The following HYDIN variants were observed in gnomAD, a reference collection of about 807,000 sequenced individuals.
The protein encoded by HYDIN is HYDIN axonemal central pair apparatus protein.
A neutral mutation model predicts 403.9 loss-of-function variants in HYDIN; 132 were observed. That is an observed-to-expected ratio of 0.33 (90% CI 0.28 to 0.38). The LOEUF (loss-of-function observed/expected upper bound fraction) is 0.38. HYDIN is among the 10% of genes least tolerant of loss of function. The pLI is 1.00. For synonymous variants in HYDIN, 1,202 were observed against 1,891.7 expected (o/e 0.64, Z 9.46); for missense variants, 2,827 against 5,009.5 (o/e 0.56, Z 13.15).
chr16:70,905,244 G>C (rs1364956388), intron 50 of HYDIN, among the ~76,000 whole-genome samples: 1 of 151,460 alleles, frequency 6.6e-6, no homozygotes, highest in Non-Finnish European at 1.5e-5. Context: ...ACTTCCATCC[G>C]GCACTGTGCT....
intron 6 of HYDIN, among the ~76,000 whole-genome samples, chr16:71,158,262 C>T (rs903415552): frequency 1.3e-5 from 2 of 152,214 alleles, no homozygotes; most frequent in Non-Finnish European, 2.9e-5. Flanking sequence ...GCTTTACTCC[C>T]TTCACAGTAA....
intron 42 of HYDIN, 152 bp downstream of exon 42, chr16:70,943,660 T>A (rs2077750304): frequency 2.7e-6 from 3 of 1,099,562 alleles, no homozygotes; most frequent in Non-Finnish European, 3.7e-6. Flanking sequence ...GGGTCAGGGG[T>A]CGACAAGAGC....
chr16:71,174,091 C>T (rs904885069), intron 5 of HYDIN, among the ~76,000 whole-genome samples: 16 of 152,144 alleles, frequency 1.1e-4, no homozygotes, highest in African/African-American at 3.9e-4. Context: ...ACAAAAAGCC[C>T]TACATCTGCA....
chr16:70,843,043 ATTCT>A (rs2037939855), intron 75 of HYDIN, among the ~76,000 whole-genome samples: 1 of 150,570 alleles, frequency 6.6e-6, no homozygotes, highest in African/African-American at 2.4e-5. Flanking sequence ...TTATTTATTT[ATTCT>A]TTTTTTTATT....
chr16:70,949,892 G>A, intron 41 of HYDIN, among the ~76,000 whole-genome samples: 1 of 152,282 alleles, frequency 6.6e-6, no homozygotes. Context: ...TGTCCAGATG[G>A]ACAGAACAAA....
chr16:70,892,522 C>T lies in HYDIN; in HGVS notation c.9256G>A (p.Val3086Met), dbSNP rs755355385. The part of the protein sequence containing the change: ...GKYEIAFSFS[V>M]DSVGISTPNI... ...GGTGTTGAAATCCCTACAGAGTCCACGGAAAAGCTGAAAGACAAGAATAAG... is the reference window on the plus strand; with the variant it reads ...GGTGTTGAAATCCCTACAGAGTCCATGGAAAAGCTGAAAGACAAGAATAAG... The change falls in exon 56 of 86, where the codon GTG (valine) becomes ATG (methionine). Residue 3086 changes from valine (V) to methionine (M), a missense_variant. Transcript: ENST00000393567. The T allele has an allele frequency of 9.4e-6, 15 of 1,601,600 alleles. No homozygotes were observed. The highest frequency in any genetic ancestry group is 2.2e-5 in the South Asian group (2 of 88,938).
chr16:71,020,850 TA>T, intron 21 of HYDIN, among the ~76,000 whole-genome samples: 1 of 144,756 alleles, frequency 6.9e-6, no homozygotes, highest in Non-Finnish European at 1.5e-5. Context: ...TATAGTGGAC[TA>T]CTGAAAAGTG....
chr16:71,150,946 G>A (rs3094859), intron 7 of HYDIN, among the ~76,000 whole-genome samples: 1 of 152,134 alleles, frequency 6.6e-6, no homozygotes, highest in Non-Finnish European at 1.5e-5. Flanking sequence ...TGAGAAGGCA[G>A]GCAACATCAT....
chr16:71,179,362 CAG>C (rs1276677940), intron 3 of HYDIN, among the ~76,000 whole-genome samples: 1 of 149,924 alleles, frequency 6.7e-6, no homozygotes, highest in Non-Finnish European at 1.5e-5. Flanking sequence ...CAAACCTCTG[CAG>C]GCATAGTATT....
At position 70,927,955 on chromosome 16, in the gene HYDIN, A is replaced by C. The variant is rs566925495; in HGVS notation, c.7159-6738T>G. Among the ~76,000 whole-genome samples the C allele has an allele frequency of 3.0e-4, 45 of 152,150 alleles. 1 individual carries two copies. Among genetic ancestry groups the C allele is most frequent in the South Asian group, 6.2e-4 (3 of 4,824 alleles). On this transcript the variant is annotated intron_variant, in intron 45 of 85. Transcript: ENST00000393567. ...TTGCCAAAGAACCTGTACCTAAAAA[A>C]AAAAAACAAAAAACAAAAAAAACAA...
At chr16:70,867,028 C>CAA (rs34578135) in intron 66 of HYDIN, among the ~76,000 whole-genome samples, 9 of 92,938 alleles carry the variant, frequency 9.7e-5, no homozygotes, top group African/African-American at 2.8e-4. Flanking sequence ...CTGTCCCCCT[C>CAA]AAAAAAAAAA....
At chr16:71,058,748 A>C (rs2081984961) in intron 18 of HYDIN, among the ~76,000 whole-genome samples, 1 of 152,168 alleles carries the variant, frequency 6.6e-6, no homozygotes, top group Non-Finnish European at 1.5e-5. Flanking sequence ...TATGAAATAC[A>C]GTTGACCCTT....
intron 1 of HYDIN, among the ~76,000 whole-genome samples, chr16:71,194,615 G>T (rs2087601963): frequency 6.6e-6 from 1 of 152,052 alleles, no homozygotes; most frequent in Non-Finnish European, 1.5e-5. Context: ...TTACCTATTG[G>T]CATCTAACAA....
chr16:71,089,141 T>G (rs987738247), intron 11 of HYDIN, among the ~76,000 whole-genome samples: 3 of 150,334 alleles, frequency 2.0e-5, no homozygotes, highest in African/African-American at 7.4e-5. Flanking sequence ...ATAGAAAAGT[T>G]GTACTCCTAT....
At chr16:70,898,869 G>A (rs1218775112) in intron 53 of HYDIN, among the ~76,000 whole-genome samples, 2 of 151,092 alleles carry the variant, frequency 1.3e-5, no homozygotes, top group South Asian at 2.1e-4. Context: ...TCAGCCTCCC[G>A]AGTAGCTGGG....
At chr16:71,148,358 T>C (rs1247072004) in intron 7 of HYDIN, among the ~76,000 whole-genome samples, 2 of 152,280 alleles carry the variant, frequency 1.3e-5, no homozygotes, top group South Asian at 2.1e-4. Flanking sequence ...TTACTTCCAA[T>C]GCACAGCATA....
chr16:70,990,247 T>C, intron 25 of HYDIN, among the ~76,000 whole-genome samples: 1 of 149,100 alleles, frequency 6.7e-6, no homozygotes, highest in Non-Finnish European at 1.5e-5. Flanking sequence ...ATACAAAAAT[T>C]AGCCGGGCAT....
At chr16:71,207,327 A>C (rs1277254315) in intron 1 of HYDIN, among the ~76,000 whole-genome samples, 1 of 152,198 alleles carries the variant, frequency 6.6e-6, no homozygotes, top group Non-Finnish European at 1.5e-5. Flanking sequence ...TGCTCAAACT[A>C]AACTTCATAA....
intron 9 of HYDIN, among the ~76,000 whole-genome samples, chr16:71,126,411 C>T (rs1364033284): frequency 1.3e-5 from 2 of 152,042 alleles, no homozygotes; most frequent in Non-Finnish European, 2.9e-5. Context: ...AGATGAGGAC[C>T]AAAAATGTAA....
Sources: gnomAD v4.1 joint callset for allele counts (sites outside exome capture counted in the v4.1 genomes callset) on GRCh38, gnomAD v4.1.1 for gene constraint, MANE v1.5 for transcripts, NCBI Gene and HGNC (gene_info 2026-07-23, HGNC 2026-07-21) for gene names.